MCTP1: variants seen among roughly 807,000 people sequenced by gnomAD.
The protein encoded by MCTP1 is multiple C2 and transmembrane domain containing 1.
A neutral mutation model predicts 120.6 loss-of-function variants in MCTP1; 69 were observed. The ratio of observed to expected loss-of-function variants is 0.57; its 90% confidence interval spans 0.47 to 0.70. The LOEUF (loss-of-function observed/expected upper bound fraction) is 0.70, where lower values mean the gene tolerates loss of function less well. MCTP1 is among the 30% of genes least tolerant of loss of function. The pLI, the probability that MCTP1 is intolerant of heterozygous loss-of-function variation, is 0.00. For synonymous variants in MCTP1, 529 were observed against 493.1 expected, an observed-to-expected ratio of 1.07 and a Z score of -0.96; for missense variants, 1,203 against 1,248.8, an observed-to-expected ratio of 0.96 and a Z score of 0.55.
Position 94,894,277 on chromosome 5 carries a change from G to T in MCTP1, c.1839+372C>A, listed in dbSNP as rs934110246. ...TAACGTAAGTACCATTAACTCCATC[G>T]CAAACTTGGAAAGACAAAGACATTT... On this transcript the variant is annotated intron_variant, in intron 11 of 22. Transcript: ENST00000515393. Among the ~76,000 whole-genome samples, 9 of 152,116 alleles carry T rather than the reference G, an allele frequency of 5.9e-5. No individual in the cohort carries two copies. The East Asian group carries it at 1.5e-3, about 26-fold the overall frequency.
intron 1 of MCTP1, among the ~76,000 whole-genome samples, chr5:95,053,289 A>G (rs910399503): frequency 2.0e-5 from 3 of 152,206 alleles, no homozygotes; most frequent in African/African-American, 7.2e-5. Context: ...GCTCAGTCCT[A>G]TAAAATCATG....
At chr5:94,770,851 T>A (rs1182149939) in intron 19 of MCTP1, among the ~76,000 whole-genome samples, 1 of 152,210 alleles carries the variant, frequency 6.6e-6, no homozygotes, top group Non-Finnish European at 1.5e-5. Context: ...GACAAGGATT[T>A]TGGAGAACCC....
intron 17 of MCTP1, among the ~76,000 whole-genome samples, chr5:94,865,480 C>T (rs186133376): frequency 2.8e-4 from 43 of 151,632 alleles, no homozygotes; most frequent in Non-Finnish European, 4.9e-4. Flanking sequence ...CAAGTAGAAC[C>T]GATATTATGA....
intron 17 of MCTP1, among the ~76,000 whole-genome samples, chr5:94,848,047 G>A (rs1792884659): frequency 6.6e-6 from 1 of 151,902 alleles, no homozygotes; most frequent in Non-Finnish European, 1.5e-5. Context: ...CAGGTGGAGA[G>A]GAGGGCTGAC....
intron 3 of MCTP1, 80 bp from the exon 4 acceptor site, chr5:94,942,507 G>T: frequency 9.9e-7 from 1 of 1,013,856 alleles, no homozygotes; most frequent in Non-Finnish European, 1.5e-6. Context: ...GTCATAAAAT[G>T]TTGGTTGTCT....
intron 17 of MCTP1, among the ~76,000 whole-genome samples, chr5:94,803,638 A>AT (rs1365707052): frequency 3.9e-5 from 6 of 152,134 alleles, no homozygotes; most frequent in African/African-American, 1.2e-4. Flanking sequence ...ACTACATATA[A>AT]TTTTTTTTGG....
chr5:94,868,386 C>T lies in MCTP1; in HGVS notation c.2383G>A (p.Val795Ile), dbSNP rs765527734. Reference protein sequence around the residue: ...VMVLVNAAYYVNSCFDWDSPP... With the variant: ...VMVLVNAAYYINSCFDWDSPP... ...GAATCCCAATCAAAGCAACTATTAA[C>T]GTAGTATGCAGCATTTACCAGCACC... Residue 795 changes from valine to isoleucine, a missense_variant, in exon 17 of 23, where the codon GTT (valine) becomes ATT (isoleucine). Around this residue, in one of 2 missense-constraint regions of MCTP1, gnomAD observed 740 missense variants for 871.1 expected, o/e 0.85. Transcript: ENST00000515393. 1.2e-5 allele frequency: 19 copies of T among 1,608,912 alleles called. No homozygotes were observed. Among genetic ancestry groups the T allele is most frequent in the African/African-American group, 1.3e-5 (1 of 74,654 alleles).
chr5:94,824,656 C>T (rs1786540825), intron 17 of MCTP1, among the ~76,000 whole-genome samples: 1 of 152,146 alleles, frequency 6.6e-6, no homozygotes. Flanking sequence ...AGCTGTGAAT[C>T]CATCTGGTCA....
At chr5:95,173,639 T>A (rs1350238518) in intron 1 of MCTP1, among the ~76,000 whole-genome samples, 3 of 152,194 alleles carry the variant, frequency 2.0e-5, no homozygotes, top group Non-Finnish European at 4.4e-5. Flanking sequence ...TTAGAGCAAT[T>A]TACCAGAGTA....
intron 1 of MCTP1, among the ~76,000 whole-genome samples, chr5:95,038,497 A>G (rs1489126249): frequency 1.3e-5 from 2 of 151,936 alleles, no homozygotes; most frequent in African/African-American, 4.8e-5. Flanking sequence ...TCAAGGAGAG[A>G]GAGCACCACT....
At chr5:95,241,247 C>T (rs183435067) in intron 1 of MCTP1, among the ~76,000 whole-genome samples, 2 of 152,112 alleles carry the variant, frequency 1.3e-5, no homozygotes, top group African/African-American at 4.8e-5. Context: ...AATGTGCATC[C>T]AAAACATTGA....
intron 17 of MCTP1, among the ~76,000 whole-genome samples, chr5:94,824,629 TA>T (rs1786532760): frequency 1.3e-5 from 2 of 152,222 alleles, no homozygotes; most frequent in South Asian, 4.1e-4. Flanking sequence ...CTCCTCTTTG[TA>T]CCTCTGGTAG....
intron 1 of MCTP1, among the ~76,000 whole-genome samples, chr5:95,213,082 T>C (rs1444291009): frequency 1.3e-5 from 2 of 152,178 alleles, no homozygotes; most frequent in African/African-American, 2.4e-5. Flanking sequence ...TTGTCCCTGT[T>C]TGCAGATGAC....
chr5:95,188,612 G>A (rs920670985), intron 1 of MCTP1, among the ~76,000 whole-genome samples: 31 of 152,214 alleles, frequency 2.0e-4, no homozygotes, highest in African/African-American at 3.1e-4. Context: ...ATATGATTCC[G>A]TTTAAATAGC....
Position 95,284,391 on chromosome 5 carries a change from A to T in MCTP1, c.185T>A (p.Val62Glu), listed in dbSNP as rs972795452. The part of the protein sequence containing the change: ...DTPSPSPPPP[V>E]GTGNAPARGS... ...CCTGGCCGGTGCATTCCCTGTGCCCACCGGGGGTGGCGGGGAGGGCGACGG... is the reference window on the plus strand; with the variant it reads ...CCTGGCCGGTGCATTCCCTGTGCCCTCCGGGGGTGGCGGGGAGGGCGACGG... Residue 62 changes from valine to glutamate, a missense_variant, in exon 1 of 23, where the codon GTG becomes GAG. Val to Glu is a moderately radical substitution (Grantham distance 121, BLOSUM62 -2). Coordinates refer to ENST00000515393, the MANE Select transcript of MCTP1 (RefSeq NM_024717.7). The surrounding 1 kb of genome is among the most constrained non-coding windows in gnomAD (Gnocchi z 5.2). The T allele has an allele frequency of 6.3e-7, 1 of 1,592,598 alleles. No individual in the cohort carries two copies. The highest frequency in any genetic ancestry group is 8.5e-7 in the Non-Finnish European group (1 of 1,177,780).
At chr5:94,721,715 A>G (rs1042978378) in intron 19 of MCTP1, among the ~76,000 whole-genome samples, 3 of 152,142 alleles carry the variant, frequency 2.0e-5, no homozygotes, top group Admixed American at 1.3e-4. Flanking sequence ...ATAATGTTCA[A>G]TACTTTATTG....
chr5:94,997,916 T>C (rs374091565), intron 2 of MCTP1, among the ~76,000 whole-genome samples: 26 of 152,340 alleles, frequency 1.7e-4, no homozygotes, highest in East Asian at 9.6e-4. Flanking sequence ...TACATGTATG[T>C]ATATTTAAAA....
chr5:94,741,080 G>A (rs2152749502), intron 19 of MCTP1, among the ~76,000 whole-genome samples: 1 of 152,272 alleles, frequency 6.6e-6, no homozygotes, highest in South Asian at 2.1e-4. Flanking sequence ...CGGCCATCTT[G>A]GTAGCATCTC....
chr5:94,835,051 A>G (rs1789418622), intron 17 of MCTP1, among the ~76,000 whole-genome samples: 1 of 152,156 alleles, frequency 6.6e-6, no homozygotes, highest in East Asian at 1.9e-4. Context: ...TCCTAACCTC[A>G]AGTGATCCAC....
Sources: gnomAD v4.1 joint callset for allele counts (sites outside exome capture counted in the v4.1 genomes callset) on GRCh38, gnomAD v4.1.1 for gene constraint, gnomAD v4.1.1 regional missense constraint, Gnocchi (gnomAD v3.1) non-coding constraint, MANE v1.5 for transcripts, NCBI Gene and HGNC (gene_info 2026-07-23, HGNC 2026-07-21) for gene names.